The following SNTB2 variants were observed in gnomAD, a reference collection of about 807,000 sequenced individuals.
SNTB2 encodes syntrophin beta 2.
In SNTB2, 34 loss-of-function variants were observed where a neutral mutation model predicts 46.2. That is an observed-to-expected ratio of 0.74 (90% CI 0.56 to 0.98). The LOEUF (loss-of-function observed/expected upper bound fraction) is 0.98. Among genes scored for constraint, SNTB2 ranks in the 50% least tolerant of loss-of-function variants. The pLI is 0.00. For missense variants in SNTB2, 603 were observed against 731.4 expected (o/e 0.82, Z 2.02); for synonymous variants, 290 against 312.6 (o/e 0.93, Z 0.76).
At chr16:69,205,106 T>G (rs537328809) in intron 1 of SNTB2, among the ~76,000 whole-genome samples, 36 of 152,140 alleles carry the variant, frequency 2.4e-4, no homozygotes, top group South Asian at 8.3e-4. Flanking sequence ...TTGTGTACTT[T>G]GTGTACAGTT....
At chr16:69,210,450 C>T (rs1420428648) in intron 1 of SNTB2, among the ~76,000 whole-genome samples, 1 of 151,936 alleles carries the variant, frequency 6.6e-6, no homozygotes, top group Admixed American at 6.6e-5. Flanking sequence ...GTTGCCCAGG[C>T]TGTTCTTGAA....
chr16:69,218,947 A>G (rs1416004231), intron 1 of SNTB2, among the ~76,000 whole-genome samples: 1 of 152,214 alleles, frequency 6.6e-6, no homozygotes, highest in African/African-American at 2.4e-5. Context: ...TGTCCTCTTT[A>G]TCAAGAAAAG....
chr16:69,268,726 G>A (rs1319563894), intron 3 of SNTB2, among the ~76,000 whole-genome samples: 2 of 151,360 alleles, frequency 1.3e-5, no homozygotes, highest in Admixed American at 6.6e-5. Flanking sequence ...TTAGCTGGGC[G>A]TGGCAGCATG....
At chr16:69,291,418 A>AC (rs1272450249) in intron 5 of SNTB2, among the ~76,000 whole-genome samples, 10 of 152,208 alleles carry the variant, frequency 6.6e-5, no homozygotes. Context: ...TCATTTAAAA[A>AC]AACACATAGT....
intron 1 of SNTB2, among the ~76,000 whole-genome samples, chr16:69,191,858 G>A (rs1964058022): frequency 6.6e-6 from 1 of 152,060 alleles, no homozygotes; most frequent in Non-Finnish European, 1.5e-5. Context: ...AGCCAGGATA[G>A]TCTCAATCTC....
chr16:69,208,721 C>T (rs894828926), intron 1 of SNTB2, among the ~76,000 whole-genome samples: 3 of 151,674 alleles, frequency 2.0e-5, no homozygotes, highest in Non-Finnish European at 2.9e-5. Context: ...CTAGGCTGGG[C>T]GCGGTGGCTC....
chr16:69,242,441 G>A (rs1284140832), intron 1 of SNTB2, among the ~76,000 whole-genome samples: 3 of 151,900 alleles, frequency 2.0e-5, no homozygotes, highest in Admixed American at 2.0e-4. Flanking sequence ...AATTAAGATA[G>A]AGTTTGAACA....
chr16:69,207,339 A>G (rs1964233189), intron 1 of SNTB2, among the ~76,000 whole-genome samples: 1 of 150,668 alleles, frequency 6.6e-6, no homozygotes, highest in Non-Finnish European at 1.5e-5. Context: ...TTTTTTCGGT[A>G]GAGATGGCGT....
At position 69,306,882 on chromosome 16, in the gene SNTB2, A is replaced by AG. The variant is rs1965320991; in HGVS notation, c.*5959dup. Reference sequence around the variant, plus strand: ...AACCCAGGAGGCAGAAGTTGCAGTGAGCTGAGATCATGCCATTGCACTCCA... The same window carrying AG: ...AACCCAGGAGGCAGAAGTTGCAGTGAGGCTGAGATCATGCCATTGCACTCCA... On this transcript the variant is annotated 3_prime_UTR_variant, in exon 7 of 7. Transcript: ENST00000336278. The AG allele has an allele frequency of 6.6e-6, 1 of 152,244 alleles. No homozygotes were observed. Among genetic ancestry groups the AG allele is most frequent in the South Asian group, 2.1e-4 (1 of 4,828 alleles). 9.4% of individuals were successfully genotyped at this position (152,244 alleles called of 1,614,324 possible).
rs1965276488 is a variant in SNTB2 at position 69,301,362 on chromosome 16, A to T, written c.*438A>T. ...GAACAATTGTCCCTTCCCAGGTGCT[A>T]GCTTGCAGCAGCCTGTTGCTTCCTG... On this transcript the variant is annotated 3_prime_UTR_variant, in exon 7 of 7. Transcript: ENST00000336278. 1 of 165,660 alleles carries T rather than the reference A, an allele frequency of 6.0e-6. No individual in the cohort carries two copies. Among genetic ancestry groups the T allele is most frequent in the African/African-American group, 2.4e-5 (1 of 41,648 alleles). 10.3% of individuals were successfully genotyped at this position (165,660 alleles called of 1,614,324 possible). A position where few individuals can be genotyped will look rare whatever the true frequency, so the allele number is the denominator to read the frequency against.
intron 4 of SNTB2, among the ~76,000 whole-genome samples, chr16:69,281,905 CTTTTTTT>C (rs776664092): frequency 8.0e-6 from 1 of 125,322 alleles, no homozygotes; most frequent in Non-Finnish European, 1.7e-5. Context: ...TTGTTTCTCT[CTTTTTTT>C]TTTTTTTTTT....
In SNTB2 at chr16:69,187,188, G is replaced by GCGGCGACTT. The variant is rs774725561; in HGVS notation, c.27_28insACTTCGGCG (p.Ala9_Ala10insThrSerAla). The GCGGCGACTT allele has an allele frequency of 2.1e-5, 29 of 1,380,096 alleles. No homozygotes were observed. The African/African-American group carries it at 3.4e-4, about 16-fold the overall frequency. The allele number at this position is 1,380,096 out of a possible 1,614,324, so 85.5% of individuals were successfully genotyped here. On this transcript the variant is annotated inframe_insertion, in exon 1 of 7. Transcript: ENST00000336278. ...TGGAATGAGGGTAGCTGCGGCGACT[G>GCGGCGACTT]CGGCGGCTGGAGCGGGGCCGGCCAT...
Position 69,304,170 on chromosome 16 carries a change from G to T in SNTB2, c.*3246G>T, listed in dbSNP as rs148612177. The T allele has an allele frequency of 5.1e-4, 77 of 152,274 alleles. No homozygotes were observed. Among genetic ancestry groups the T allele is most frequent in the African/African-American group, 1.8e-3 (73 of 41,562 alleles). 9.4% of individuals were successfully genotyped at this position (152,274 alleles called of 1,614,324 possible). On this transcript the variant is annotated 3_prime_UTR_variant, in exon 7 of 7. Coordinates refer to ENST00000336278, the MANE Select transcript of SNTB2 (RefSeq NM_006750.4). ...TTCAGTTTTTCTTTTTCTGAAAAAG[G>T]TAAGTCCTTTCCTGAAGTCATCAAA... is the stretch of plus-strand genomic sequence containing the variant.
intron 2 of SNTB2, among the ~76,000 whole-genome samples, chr16:69,256,603 G>C (rs922099647): frequency 6.6e-6 from 1 of 152,082 alleles, no homozygotes; most frequent in African/African-American, 2.4e-5. Flanking sequence ...TATTTTACTA[G>C]TATAATATCC....
At chr16:69,226,032 T>A (rs1964456627) in intron 1 of SNTB2, among the ~76,000 whole-genome samples, 1 of 151,744 alleles carries the variant, frequency 6.6e-6, no homozygotes, top group Non-Finnish European at 1.5e-5. Context: ...CCTCCCAAAG[T>A]GCTAGGATTA....
intron 1 of SNTB2, among the ~76,000 whole-genome samples, chr16:69,239,244 G>T (rs1484336566): frequency 1.3e-5 from 2 of 152,146 alleles, no homozygotes; most frequent in Non-Finnish European, 2.9e-5. Flanking sequence ...GACACCCTGG[G>T]CAGCATTTCT....
At chr16:69,284,476 A>AAC (rs1276986077) in intron 5 of SNTB2, among the ~76,000 whole-genome samples, 1 of 148,400 alleles carries the variant, frequency 6.7e-6, no homozygotes, top group Non-Finnish European at 1.5e-5. Context: ...AAAAAAAAAA[A>AAC]AAAAAAAAAA....
At chr16:69,215,494 G>GT (rs1567399654) in intron 1 of SNTB2, among the ~76,000 whole-genome samples, 1 of 152,178 alleles carries the variant, frequency 6.6e-6, no homozygotes, top group Non-Finnish European at 1.5e-5. Flanking sequence ...TTGTTACTGA[G>GT]ATAATGTTTG....
Position 69,260,121 on chromosome 16 carries a change from A to G in SNTB2, c.866A>G (p.His289Arg), listed in dbSNP as rs990262156. 1.2e-6 allele frequency: 2 copies of G among 1,613,558 alleles called. No homozygotes were observed. Among genetic ancestry groups the G allele is most frequent in the African/African-American group, 1.3e-5 (1 of 74,800 alleles). ...CGCTGCAAAGATACAGCCACAGCAC[A>G]CTCCTGGTTCGTAGCTATCCACACC... ...ILRCKDTATA[H>R]SWFVAIHTNI... The change falls in exon 3 of 7, where the codon CAC becomes CGC. Residue 289 changes from histidine (H) to arginine (R), a missense_variant. Around this residue, in one of 2 missense-constraint regions of SNTB2, gnomAD observed 537 missense variants for 692.4 expected, o/e 0.78. Coordinates refer to ENST00000336278, the MANE Select transcript of SNTB2 (RefSeq NM_006750.4).
Sources: allele counts gnomAD v4.1 joint callset (sites outside exome capture counted in the v4.1 genomes callset), GRCh38; gene constraint gnomAD v4.1.1; regional missense constraint gnomAD v4.1.1; transcripts MANE v1.5; gene names NCBI Gene and HGNC (gene_info 2026-07-23, HGNC 2026-07-21).